The following FMN2 variants were observed in gnomAD, a reference collection of about 807,000 sequenced individuals.
FMN2 encodes formin-2.
FMN2 carries 51 observed loss-of-function variants against 142.3 expected under a neutral mutation model. That is an observed-to-expected ratio of 0.36 (90% confidence interval 0.29 to 0.45). FMN2 has a LOEUF of 0.45. Among genes scored for constraint, FMN2 ranks in the 20% least tolerant of loss-of-function variants. The probability of loss-of-function intolerance (pLI) is 1.00; values close to 1 mark genes in which losing one functional copy is unlikely to be tolerated. For missense variants in FMN2, 1,936 were observed against 2,122.8 expected (o/e 0.91, Z 1.73); for synonymous variants, 882 against 869.8 (o/e 1.01, Z -0.25).
chr1:240,325,918 G>C (rs1399522396), intron 8 of FMN2, among the ~76,000 whole-genome samples: 3 of 152,156 alleles, frequency 2.0e-5, no homozygotes, highest in African/African-American at 7.2e-5. Flanking sequence ...CTGGCCTTGA[G>C]TATTAATGAA....
At chr1:240,177,763 A>T (rs1055108436) in intron 2 of FMN2, 158 bp from the exon 3 acceptor site, 5 of 528,832 alleles carry the variant, frequency 9.5e-6, no homozygotes, top group African/African-American at 2.0e-5. Context: ...TATCTTAGGA[A>T]TCTACACTGA....
intron 15 of FMN2, among the ~76,000 whole-genome samples, chr1:240,423,318 G>A (rs530272433): frequency 1.3e-5 from 2 of 152,270 alleles, no homozygotes; most frequent in Middle Eastern, 3.4e-3. Flanking sequence ...AGTTACTTGT[G>A]GAAGGCTTTA....
intron 7 of FMN2, among the ~76,000 whole-genome samples, chr1:240,281,925 G>C (rs1007001335): frequency 1.3e-5 from 2 of 152,166 alleles, no homozygotes; most frequent in Non-Finnish European, 2.9e-5. Context: ...ATAGATGCGT[G>C]ATTTGAATAT....
chr1:240,416,048 C>A (rs1289587024), intron 15 of FMN2, among the ~76,000 whole-genome samples: 2 of 152,100 alleles, frequency 1.3e-5, no homozygotes, highest in Non-Finnish European at 2.9e-5. Flanking sequence ...CTTCCTCTTT[C>A]TGTATGTGAA....
chr1:240,474,158 A>G lies in FMN2; in HGVS notation c.*4A>G, dbSNP rs923423688. 3.9e-6 allele frequency: 6 copies of G among 1,552,092 alleles called. No individual in the cohort carries two copies. Among genetic ancestry groups the G allele is most frequent in the Non-Finnish European group, 5.2e-6 (6 of 1,158,066 alleles). On this transcript the variant is annotated 3_prime_UTR_variant, in exon 18 of 18. Coordinates refer to ENST00000319653, the MANE Select transcript of FMN2 (RefSeq NM_020066.5). Reference sequence around the variant, plus strand: ...AAAGATAAGCATGAAAACTTGAACAATGAAAAGCAGAATGAAAATGAGTCA... The same window carrying G: ...AAAGATAAGCATGAAAACTTGAACAGTGAAAAGCAGAATGAAAATGAGTCA...
chr1:240,439,279 A>AAAAAAAAAAAAAGAAAGAAAGAAAGAAAG (rs555074808), intron 16 of FMN2, among the ~76,000 whole-genome samples: 2 of 124,720 alleles, frequency 1.6e-5, no homozygotes, highest in African/African-American at 6.3e-5. Flanking sequence ...TCAAAAAAAA[A>AAAAAAAAAAAAAGAAAGAAAGAAAGAAAG]AAAGAAAGAA....
In FMN2 at chr1:240,474,259, T is replaced by C. The variant is rs1460101175; in HGVS notation, c.*105T>C. ...ACCGTCATTCTGCTCATGTTTCTTC[T>C]TGACCTCTTGCATAATCTTTTTGTT... On this transcript the variant is annotated 3_prime_UTR_variant, in exon 18 of 18. Transcript: ENST00000319653. 3 of 1,044,268 alleles carry C rather than the reference T, an allele frequency of 2.9e-6. No homozygotes were observed. The highest frequency in any genetic ancestry group is 2.8e-5 in the East Asian group (1 of 35,424). The allele number at this position is 1,044,268 out of a possible 1,614,324, so 64.7% of individuals were successfully genotyped here.
At chr1:240,231,594 G>A (rs976547828) in intron 6 of FMN2, among the ~76,000 whole-genome samples, 2 of 152,216 alleles carry the variant, frequency 1.3e-5, no homozygotes, top group Non-Finnish European at 2.9e-5. Context: ...AGGGCCTGAG[G>A]TGTTTAATCT....
intron 2 of FMN2, among the ~76,000 whole-genome samples, chr1:240,134,537 T>G (rs1255214336): frequency 1.3e-5 from 2 of 152,094 alleles, no homozygotes; most frequent in Non-Finnish European, 2.9e-5. Flanking sequence ...GAGGATCACT[T>G]GAGCCTGGGA....
In FMN2 at chr1:240,123,246, T is replaced by G. The variant is rs1256243856; in HGVS notation, c.1683T>G (p.Phe561Leu). The G allele has an allele frequency of 6.2e-7, 1 of 1,614,168 alleles. No individual in the cohort carries two copies. The highest frequency in any genetic ancestry group is 8.5e-7 in the Non-Finnish European group (1 of 1,180,034). Residue 561 changes from phenylalanine to leucine, a missense_variant, in exon 2 of 18, where the codon TTT becomes TTG. By Grantham distance (22) the Phe-to-Leu change is conservative. Around this residue, in one of 8 missense-constraint regions of FMN2, gnomAD observed 751 missense variants for 791.8 expected, o/e 0.95. Transcript: ENST00000319653. The part of the protein sequence containing the change: ...ENGPPEEAEK[F>L]CSRIIAMGLL... ...GGCCTCCAGAAGAAGCAGAGAAGTT[T>G]TGCTCCCGGATCATTGCCATGGGTC...
At chr1:240,444,316 G>T (rs2103193919) in intron 16 of FMN2, among the ~76,000 whole-genome samples, 1 of 152,304 alleles carries the variant, frequency 6.6e-6, no homozygotes, top group African/African-American at 2.4e-5. Flanking sequence ...TCTGCCCAGA[G>T]GACTTTTGAC....
chr1:240,127,581 G>C (rs1009476328), intron 2 of FMN2, among the ~76,000 whole-genome samples: 3 of 151,796 alleles, frequency 2.0e-5, no homozygotes, highest in Non-Finnish European at 4.4e-5. Flanking sequence ...GGGCTCAAGC[G>C]ATCCTTCCAC....
intron 8 of FMN2, among the ~76,000 whole-genome samples, chr1:240,322,188 C>A (rs1039615417): frequency 8.7e-6 from 1 of 115,428 alleles, no homozygotes; most frequent in Non-Finnish European, 1.7e-5. Context: ...CCCACCCCAA[C>A]TTACTATGGT....
intron 16 of FMN2, among the ~76,000 whole-genome samples, chr1:240,446,054 A>T (rs1675799335): frequency 6.6e-6 from 1 of 152,206 alleles, no homozygotes; most frequent in Non-Finnish European, 1.5e-5. Context: ...AAAACAAGAA[A>T]ACAGATTTCT....
chr1:240,406,848 G>C (rs557224442), intron 15 of FMN2, among the ~76,000 whole-genome samples: 41 of 152,118 alleles, frequency 2.7e-4, no homozygotes, highest in Non-Finnish European at 5.0e-4. Context: ...TTAACTTTTT[G>C]GGGAGATGGG....
At chr1:240,201,777 G>T (rs2124726) in intron 4 of FMN2, among the ~76,000 whole-genome samples, 1 of 151,858 alleles carries the variant, frequency 6.6e-6, no homozygotes, top group Admixed American at 6.6e-5. Context: ...ATTGGTACCT[G>T]GGTATATCAG....
chr1:240,357,097 T>C (rs574101229), intron 14 of FMN2, among the ~76,000 whole-genome samples: 80 of 152,270 alleles, frequency 5.3e-4, no homozygotes, highest in African/African-American at 1.9e-3. Context: ...GCTTTTTCCA[T>C]CTAGTGGGGT....
At chr1:240,093,817 G>C in intron 1 of FMN2, 93 bp downstream of exon 1, 1 of 888,764 alleles carries the variant, frequency 1.1e-6, no homozygotes, top group Non-Finnish European at 1.5e-6. Flanking sequence ...TCTGGAAGGC[G>C]GTGACCTGGT....
chr1:240,337,698 T>G (rs940086864), intron 13 of FMN2, among the ~76,000 whole-genome samples: 2 of 152,202 alleles, frequency 1.3e-5, no homozygotes, highest in Non-Finnish European at 2.9e-5. Context: ...TCATAGTAGC[T>G]CATCTGCTGG....
Sources: allele counts gnomAD v4.1 joint callset (sites outside exome capture counted in the v4.1 genomes callset), GRCh38; gene constraint gnomAD v4.1.1; regional missense constraint gnomAD v4.1.1; transcripts MANE v1.5; gene names NCBI Gene and HGNC (gene_info 2026-07-23, HGNC 2026-07-21).